Variants in NRXN3 observed in about 807,000 individuals in gnomAD.
NRXN3 encodes neurexin III.
In NRXN3, 32 loss-of-function variants were observed where a neutral mutation model predicts 137.6. The observed-to-expected ratio is 0.23, with a 90% confidence interval of 0.18 to 0.31. The LOEUF is 0.31. Ranked by LOEUF, NRXN3 falls within the 10% of genes least tolerant of loss-of-function variation. The probability of loss-of-function intolerance (pLI) is 1.00; values close to 1 mark genes in which losing one functional copy is unlikely to be tolerated. For missense variants in NRXN3, 1,574 were observed against 2,062.5 expected, an observed-to-expected ratio of 0.76 and a Z score of 4.59; for synonymous variants, 798 against 784.5, an observed-to-expected ratio of 1.02 and a Z score of -0.29.
intron 15 of NRXN3, among the ~76,000 whole-genome samples, chr14:79,167,075 A>T (rs2061348125): frequency 6.6e-6 from 1 of 152,002 alleles, no homozygotes; most frequent in Non-Finnish European, 1.5e-5. Flanking sequence ...CTAGATTATT[A>T]CATTTTTATG....
intron 19 of NRXN3, among the ~76,000 whole-genome samples, chr14:79,793,069 A>G (rs2099150288): frequency 6.6e-6 from 1 of 152,154 alleles, no homozygotes; most frequent in South Asian, 2.1e-4. Context: ...GTGCATTAAA[A>G]GAGCCACACC....
At position 79,133,780 on chromosome 14, in the gene NRXN3, T is replaced by A. The variant is rs552008673; in HGVS notation, c.3262+145639T>A. ...CTCTACTAAAAATACAAAAAAAAAA[T>A]TAGGTGGGCGTGGTGGTGGGCGCCT... is the stretch of plus-strand genomic sequence containing the variant. On this transcript the variant is annotated intron_variant, in intron 15 of 20. Transcript: ENST00000335750. Among the ~76,000 whole-genome samples the A allele has an allele frequency of 3.9e-3, 588 of 149,530 alleles. 4 individuals are homozygous for A. The highest frequency in any genetic ancestry group is 0.014 in the African/African-American group (551 of 40,676).
At chr14:78,216,224 A>T (rs531361847) in intron 1 of NRXN3, among the ~76,000 whole-genome samples, 6 of 152,028 alleles carry the variant, frequency 3.9e-5, no homozygotes, top group Admixed American at 2.0e-4. Flanking sequence ...TATCAAGTTA[A>T]TTGTCTTTTC....
At chr14:79,165,465 G>A (rs563005445) in intron 15 of NRXN3, among the ~76,000 whole-genome samples, 2 of 152,066 alleles carry the variant, frequency 1.3e-5, no homozygotes, top group South Asian at 4.1e-4. Context: ...TTAAAGAAAA[G>A]GTTCCACTCT....
At chr14:78,546,735 C>T (rs2096639657) in intron 4 of NRXN3, among the ~76,000 whole-genome samples, 1 of 152,182 alleles carries the variant, frequency 6.6e-6, no homozygotes, top group Admixed American at 6.5e-5. Flanking sequence ...CTAACACTTA[C>T]TGCTGCTATG....
chr14:78,574,388 G>T (rs773585297), intron 4 of NRXN3, among the ~76,000 whole-genome samples: 67 of 152,330 alleles, frequency 4.4e-4, no homozygotes, highest in Admixed American at 3.5e-3. Context: ...TGGAAAAGCT[G>T]CAGGGACTCA....
chr14:78,394,322 T>G (rs530659629), intron 4 of NRXN3, among the ~76,000 whole-genome samples: 19 of 152,110 alleles, frequency 1.2e-4, no homozygotes, highest in African/African-American at 4.6e-4. Context: ...ATGTGTCAAT[T>G]GATATAACCA....
At chr14:78,527,697 G>T (rs1244164638) in intron 4 of NRXN3, among the ~76,000 whole-genome samples, 2 of 152,144 alleles carry the variant, frequency 1.3e-5, no homozygotes, top group African/African-American at 4.8e-5. Flanking sequence ...GCAAATAGGA[G>T]AATTAAATAA....
chr14:78,441,964 C>G, intron 4 of NRXN3, among the ~76,000 whole-genome samples: 1 of 151,914 alleles, frequency 6.6e-6, no homozygotes, highest in Admixed American at 6.6e-5. Flanking sequence ...GGCGTGGTGG[C>G]GGGGACCTGT....
chr14:79,006,121 A>T (rs957336834), intron 15 of NRXN3, among the ~76,000 whole-genome samples: 4 of 152,208 alleles, frequency 2.6e-5, no homozygotes, highest in African/African-American at 9.6e-5. Context: ...CTCCTGGCAG[A>T]GTGTGAGAAG....
intron 20 of NRXN3, among the ~76,000 whole-genome samples, chr14:79,809,805 A>T (rs756034370): frequency 4.6e-5 from 7 of 152,210 alleles, no homozygotes; most frequent in Admixed American, 2.6e-4. Flanking sequence ...CAGTAAATTC[A>T]TATTTCATTG....
chr14:79,320,165 C>G (rs181057080), intron 15 of NRXN3, among the ~76,000 whole-genome samples: 1 of 152,244 alleles, frequency 6.6e-6, no homozygotes, highest in African/African-American at 2.4e-5. Flanking sequence ...TAATTAATTA[C>G]TATAATTTTT....
At chr14:79,126,983 G>A (rs2056618082) in intron 15 of NRXN3, among the ~76,000 whole-genome samples, 2 of 152,150 alleles carry the variant, frequency 1.3e-5, no homozygotes, top group African/African-American at 4.8e-5. Flanking sequence ...CTTTTGAGAA[G>A]TGTCTGTTCA....
intron 4 of NRXN3, among the ~76,000 whole-genome samples, chr14:78,340,126 C>T (rs993427087): frequency 1.2e-4 from 19 of 152,226 alleles, no homozygotes; most frequent in Admixed American, 4.6e-4. Context: ...TGGAAATATC[C>T]GTTCATCAAA....
At chr14:79,680,014 A>C (rs1278998142) in intron 17 of NRXN3, among the ~76,000 whole-genome samples, 1 of 151,972 alleles carries the variant, frequency 6.6e-6, no homozygotes, top group African/African-American at 2.4e-5. Flanking sequence ...TGGGGTCTTT[A>C]CTCTAGAGTC....
At chr14:79,519,004 T>G (rs74676337) in intron 16 of NRXN3, among the ~76,000 whole-genome samples, 3,458 of 152,298 alleles carry the variant, frequency 0.023, 131 homozygotes, top group East Asian at 0.16. Context: ...TAAAATTCTC[T>G]ACTCTTTAAA....
intron 19 of NRXN3, among the ~76,000 whole-genome samples, chr14:79,754,618 G>A (rs894340898): frequency 4.5e-5 from 6 of 131,926 alleles, no homozygotes; most frequent in Admixed American, 2.4e-4. Flanking sequence ...ACACACACAC[G>A]TATGTATATT....
intron 11 of NRXN3, among the ~76,000 whole-genome samples, chr14:78,961,958 T>G (rs1273002035): frequency 1.3e-5 from 2 of 152,176 alleles, no homozygotes; most frequent in African/African-American, 4.8e-5. Flanking sequence ...GGGAGGGTGC[T>G]GGATATATTA....
chr14:78,227,240 T>C (rs1033599430), intron 1 of NRXN3, among the ~76,000 whole-genome samples: 1 of 152,220 alleles, frequency 6.6e-6, no homozygotes, highest in Non-Finnish European at 1.5e-5. Context: ...ATGGGACTTA[T>C]TCAGAAGCTT....
Sources: allele counts gnomAD v4.1 joint callset (sites outside exome capture counted in the v4.1 genomes callset), GRCh38; gene constraint gnomAD v4.1.1; transcripts MANE v1.5; gene names NCBI Gene and HGNC (gene_info 2026-07-23, HGNC 2026-07-21).